FAM227B: variants seen among roughly 807,000 people sequenced by gnomAD.
FAM227B encodes protein FAM227B.
A neutral mutation model predicts 73.8 loss-of-function variants in FAM227B; 88 were observed. That is an observed-to-expected ratio of 1.19 (90% CI 1.00 to 1.42). The LOEUF (loss-of-function observed/expected upper bound fraction) is 1.42, where lower values mean the gene tolerates loss of function less well. Among genes scored for constraint, FAM227B ranks in the 40% most tolerant of loss-of-function variants. The probability of loss-of-function intolerance (pLI) is 0.00; values close to 1 mark genes in which losing one functional copy is unlikely to be tolerated. For missense variants in FAM227B, 632 were observed against 590.9 expected, an observed-to-expected ratio of 1.07 and a Z score of -0.72; for synonymous variants, 210 against 190.5, an observed-to-expected ratio of 1.10 and a Z score of -0.84.
chr15:49,547,275 G>A (rs1334731242), intron 9 of FAM227B, among the ~76,000 whole-genome samples: 3 of 151,784 alleles, frequency 2.0e-5, no homozygotes, highest in Non-Finnish European at 4.4e-5. Context: ...AGCTCCTGAA[G>A]GAAGCACTAA....
intron 9 of FAM227B, among the ~76,000 whole-genome samples, chr15:49,556,398 C>T (rs1023993094): frequency 6.6e-6 from 1 of 152,174 alleles, no homozygotes; most frequent in Non-Finnish European, 1.5e-5. Context: ...TGGTATCCTG[C>T]CCCAGCTTTG....
chr15:49,347,271 A>G (rs8024102), intron 13 of FAM227B, among the ~76,000 whole-genome samples: 62,978 of 152,010 alleles, frequency 0.41, 13,180 homozygotes, highest in African/African-American at 0.43. Context: ...TTTTGCCCTT[A>G]AGAAATTAGT....
chr15:49,378,612 C>T lies in FAM227B; in HGVS notation c.1013-7213G>A, dbSNP rs566800085. Among the ~76,000 whole-genome samples the T allele has an allele frequency of 4.6e-5, 7 of 151,966 alleles. 1 individual carries two copies. The highest frequency in any genetic ancestry group is 6.8e-3 in the Middle Eastern group (2 of 292). ...AAGATTTCTTATTCAGATTGTTCAC[C>T]GTTGGCATATAGATGTGCTACTGAT... On this transcript the variant is annotated intron_variant, in intron 11 of 15. Coordinates refer to ENST00000299338, the MANE Select transcript of FAM227B (RefSeq NM_152647.3).
intron 11 of FAM227B, among the ~76,000 whole-genome samples, chr15:49,495,243 A>G (rs2057494002): frequency 6.6e-6 from 1 of 152,208 alleles, no homozygotes; most frequent in Non-Finnish European, 1.5e-5. Flanking sequence ...TGGAAGTTAA[A>G]TAACTTGAAA....
At chr15:49,539,761 TG>T in intron 10 of FAM227B, among the ~76,000 whole-genome samples, 1 of 152,200 alleles carries the variant, frequency 6.6e-6, no homozygotes, top group East Asian at 1.9e-4. Flanking sequence ...ATGCAGATGC[TG>T]CAGCAGTGGC....
chr15:49,389,172 G>C (rs1319020141), intron 11 of FAM227B, among the ~76,000 whole-genome samples: 1 of 151,834 alleles, frequency 6.6e-6, no homozygotes, highest in Non-Finnish European at 1.5e-5. Context: ...GTCATTATAT[G>C]AAAAAGACAC....
chr15:49,540,909 C>T (rs1379827007), intron 10 of FAM227B, among the ~76,000 whole-genome samples: 3 of 152,096 alleles, frequency 2.0e-5, no homozygotes, highest in Non-Finnish European at 4.4e-5. Context: ...GGTGGTTTCT[C>T]AGGGTTGTTT....
intron 11 of FAM227B, among the ~76,000 whole-genome samples, chr15:49,407,825 C>A (rs965965267): frequency 6.6e-6 from 1 of 151,920 alleles, no homozygotes; most frequent in African/African-American, 2.4e-5. Flanking sequence ...CCCAAGTAAT[C>A]CTTTCATGCC....
At chr15:49,600,348 TTC>T (rs201118891) in intron 3 of FAM227B, among the ~76,000 whole-genome samples, 26 of 147,572 alleles carry the variant, frequency 1.8e-4, no homozygotes, top group African/African-American at 6.8e-4. Flanking sequence ...GTTTCTTTCT[TTC>T]TTTTTTTTTT....
At chr15:49,366,305 C>T in intron 13 of FAM227B, 1 of 787,774 alleles carries the variant, frequency 1.3e-6, no homozygotes. Context: ...AAATTCAGAT[C>T]TGTTACCTGA....
At position 49,328,625 on chromosome 15, in the gene FAM227B, T is replaced by C. The variant is rs1327591737; in HGVS notation, c.1470A>G (p.Ser490=). 2 of 1,586,326 alleles carry C rather than the reference T, an allele frequency of 1.3e-6. No individual in the cohort carries two copies. The highest frequency in any genetic ancestry group is 1.7e-6 in the Non-Finnish European group (2 of 1,162,730). Residue 490 remains serine, a synonymous_variant, in exon 16 of 16, where the codon TCA becomes TCG. Transcript: ENST00000299338. ...CTGTTGATGATGGTGATGATGATGA[T>C]GATGACGATAGTGATGCCACACATT... The part of the protein sequence containing the change: ...ERECVASLSS[S]SSSSPSSTDN...
At chr15:49,333,746 C>T (rs2039223556) in intron 14 of FAM227B, among the ~76,000 whole-genome samples, 1 of 152,186 alleles carries the variant, frequency 6.6e-6, no homozygotes, top group South Asian at 2.1e-4. Context: ...TTGTCTGATA[C>T]TTCTTATTCT....
At chr15:49,343,057 T>C (rs1215268291) in intron 13 of FAM227B, among the ~76,000 whole-genome samples, 1 of 152,178 alleles carries the variant, frequency 6.6e-6, no homozygotes, top group Admixed American at 6.5e-5. Context: ...AATCTGGTTG[T>C]CTACCTCTCT....
chr15:49,453,836 C>G (rs2053010206), intron 11 of FAM227B, among the ~76,000 whole-genome samples: 1 of 152,124 alleles, frequency 6.6e-6, no homozygotes, highest in Non-Finnish European at 1.5e-5. Flanking sequence ...TCTTCCCCCT[C>G]AATCCTGCTC....
chr15:49,335,830 A>C (rs538329406), intron 13 of FAM227B, among the ~76,000 whole-genome samples: 1 of 152,358 alleles, frequency 6.6e-6, no homozygotes, highest in Non-Finnish European at 1.5e-5. Flanking sequence ...AAAATATTAA[A>C]AATGTACCAA....
At chr15:49,467,222 C>T (rs2054345435) in intron 11 of FAM227B, among the ~76,000 whole-genome samples, 1 of 152,140 alleles carries the variant, frequency 6.6e-6, no homozygotes, top group Admixed American at 6.6e-5. Flanking sequence ...TGTAGCATAA[C>T]ATGCTTTGTG....
At chr15:49,601,540 G>T (rs1049875078) in intron 3 of FAM227B, among the ~76,000 whole-genome samples, 3 of 151,828 alleles carry the variant, frequency 2.0e-5, no homozygotes, top group South Asian at 4.2e-4. Flanking sequence ...ATATTTATGG[G>T]GTATATGAGA....
chr15:49,419,758 G>T (rs1225655230), intron 11 of FAM227B, among the ~76,000 whole-genome samples: 6 of 151,886 alleles, frequency 4.0e-5, no homozygotes, highest in African/African-American at 1.5e-4. Flanking sequence ...AAAAGGACAG[G>T]TTTTTTTATT....
intron 5 of FAM227B, among the ~76,000 whole-genome samples, chr15:49,578,469 CATAG>C (rs141756297): frequency 1.9e-3 from 287 of 151,454 alleles, no homozygotes; most frequent in African/African-American, 4.1e-3. Flanking sequence ...TATAGACAGA[CATAG>C]ATAGATAGAT....
Sources: allele counts gnomAD v4.1 joint callset (sites outside exome capture counted in the v4.1 genomes callset), GRCh38; gene constraint gnomAD v4.1.1; transcripts MANE v1.5; gene names NCBI Gene and HGNC (gene_info 2026-07-23, HGNC 2026-07-21).